The following FAM83A variants were observed in gnomAD, a reference collection of about 807,000 sequenced individuals.
FAM83A encodes scaffolding CK1 anchoring protein A, also known as protein FAM83A.
In FAM83A, 21 loss-of-function variants were observed where a neutral mutation model predicts 24.4. The ratio of observed to expected loss-of-function variants is 0.86; its 90% CI spans 0.61 to 1.24. FAM83A has a LOEUF of 1.24. FAM83A is among the 50% of genes most tolerant of loss of function. The pLI, the probability that FAM83A is intolerant of heterozygous loss-of-function variation, is 0.00. For synonymous variants in FAM83A, 270 were observed against 252.4 expected, an observed-to-expected ratio of 1.07 and a Z score of -0.66; for missense variants, 617 against 579.8, an observed-to-expected ratio of 1.06 and a Z score of -0.66.
At chr8:123,205,796 C>T (rs1824531177) in intron 3 of FAM83A, among the ~76,000 whole-genome samples, 1 of 151,792 alleles carries the variant, frequency 6.6e-6, no homozygotes, top group Admixed American at 6.6e-5. Context: ...ATTGAGGGGG[C>T]GGGGGGAGAA....
chr8:123,182,874 C>A, exon 1 of FAM83A: 1 of 1,522,228 alleles, frequency 6.6e-7, no homozygotes. Context: ...GGTCAAGGCA[C>A]CTGGGCAAAA....
intron 3 of FAM83A, among the ~76,000 whole-genome samples, chr8:123,203,686 A>G (rs1157118008): frequency 6.6e-6 from 1 of 151,954 alleles, no homozygotes; most frequent in Non-Finnish European, 1.5e-5. Flanking sequence ...CAGCTATTCA[A>G]GATGCACACC....
At chr8:123,188,315 C>T (rs749750139) in intron 1 of FAM83A, among the ~76,000 whole-genome samples, 36 of 152,054 alleles carry the variant, frequency 2.4e-4, no homozygotes, top group Non-Finnish European at 4.7e-4. Context: ...TTAGAGCCCA[C>T]CAGATAACCC....
chr8:123,182,435 C>A, upstream of FAM83A: 2 of 391,296 alleles, frequency 5.1e-6, no homozygotes, highest in East Asian at 7.1e-5. Flanking sequence ...CAGGCCCATC[C>A]TCCAGCTGGG....
At chr8:123,185,374 C>T (rs181404094) in intron 1 of FAM83A, among the ~76,000 whole-genome samples, 7 of 152,282 alleles carry the variant, frequency 4.6e-5, no homozygotes, top group Middle Eastern at 3.4e-3. Context: ...GAGGAAGGAT[C>T]CCTGGAAGGA....
exon 4 of FAM83A, chr8:123,208,623 C>G (rs1428812648): frequency 1.0e-6 from 1 of 985,512 alleles, no homozygotes; most frequent in Non-Finnish European, 1.2e-6. Flanking sequence ...TTCACAGTGC[C>G]CCTCTTTGTT....
chr8:123,191,500 C>T, intron 1 of FAM83A, among the ~76,000 whole-genome samples: 1 of 152,188 alleles, frequency 6.6e-6, no homozygotes, highest in East Asian at 1.9e-4. Flanking sequence ...CTCTGCTCTC[C>T]TTCTCTTTCT....
At chr8:123,183,730 C>G (rs1302776954) in intron 1 of FAM83A, among the ~76,000 whole-genome samples, 1 of 136,218 alleles carries the variant, frequency 7.3e-6, no homozygotes, top group African/African-American at 2.8e-5. Context: ...TCTTCTTGCT[C>G]TGTTGCCCAA....
chr8:123,182,779 T>C (rs1823640490), exon 1 of FAM83A: 1 of 1,488,734 alleles, frequency 6.7e-7, no homozygotes, highest in East Asian at 2.4e-5. Context: ...CACTCCTCCG[T>C]GGTGTGTTCC....
At chr8:123,185,029 G>A (rs892013071) in intron 1 of FAM83A, among the ~76,000 whole-genome samples, 1 of 152,212 alleles carries the variant, frequency 6.6e-6, no homozygotes, top group African/African-American at 2.4e-5. Flanking sequence ...TTAGTCGAAG[G>A]TAACAACAGG....
chr8:123,182,479 CA>C (rs779569027), upstream of FAM83A: 1 of 437,764 alleles, frequency 2.3e-6, no homozygotes, highest in South Asian at 1.7e-5. Flanking sequence ...TGCTTGGTAA[CA>C]AAGGCCTGAG....
chr8:123,186,553 G>C (rs1823805955), intron 1 of FAM83A, among the ~76,000 whole-genome samples: 1 of 152,138 alleles, frequency 6.6e-6, no homozygotes. Context: ...TTCCAGGCTG[G>C]GCACGGTGGC....
At chr8:123,207,631 G>T in exon 4 of FAM83A, 1 of 1,550,646 alleles carries the variant, frequency 6.4e-7, no homozygotes. Flanking sequence ...AGCTGGGCCT[G>T]GTGCCGAGGC....
At chr8:123,205,746 C>T (rs1314978283) in intron 3 of FAM83A, among the ~76,000 whole-genome samples, 1 of 152,162 alleles carries the variant, frequency 6.6e-6, no homozygotes, top group Non-Finnish European at 1.5e-5. Context: ...CTCTAGCCTG[C>T]TGCTCTCGGG....
chr8:123,200,508 G>C (rs1345962982), intron 3 of FAM83A, among the ~76,000 whole-genome samples: 1 of 152,166 alleles, frequency 6.6e-6, no homozygotes, highest in Non-Finnish European at 1.5e-5. Context: ...CAGGGACTGG[G>C]CCAGGTGTGA....
exon 4 of FAM83A, chr8:123,207,273 T>C (rs892739913): frequency 2.5e-6 from 4 of 1,612,796 alleles, no homozygotes; most frequent in East Asian, 4.5e-5. Context: ...AAGCCTGTGA[T>C]GGGCCTGAAG....
Position 123,187,518 on chromosome 8 carries a change from T to A in FAM83A, c.480+4182T>A, listed in dbSNP as rs372192692. ...ACATTTTTGTTATTGTTTTGGAAAATGCATTTCTTTTTCATTAAAATTGTT... is the reference window on the plus strand; with the variant it reads ...ACATTTTTGTTATTGTTTTGGAAAAAGCATTTCTTTTTCATTAAAATTGTT... On this transcript the variant is annotated intron_variant, in intron 1 of 3. Transcript: ENST00000690554. Among the ~76,000 whole-genome samples the A allele has an allele frequency of 1.2e-4, 18 of 152,328 alleles. 1 individual carries two copies. The highest frequency in any genetic ancestry group is 6.8e-3 in the Middle Eastern group (2 of 294).
At chr8:123,181,390 G>A (rs1012368096), upstream of FAM83A, among the ~76,000 whole-genome samples, 5 of 152,114 alleles carry the variant, frequency 3.3e-5, no homozygotes, top group African/African-American at 1.2e-4. Context: ...CCATATCCTG[G>A]CTCTTTGAAG....
At position 123,191,990 on chromosome 8, in the gene FAM83A, T is replaced by C. The variant is rs2131075915; in HGVS notation, c.648+20T>C. On this transcript the variant is annotated intron_variant, in intron 2 of 3. Transcript: ENST00000690554. ...CTCAAGGTAGGGGCCCCAATGAGAG[T>C]CCTAAGGGTACTCATATTAGCCCAG... The C allele has an allele frequency of 6.2e-7, 1 of 1,612,626 alleles. No individual in the cohort carries two copies.
Sources: allele counts gnomAD v4.1 joint callset (sites outside exome capture counted in the v4.1 genomes callset), GRCh38; gene constraint gnomAD v4.1.1; transcripts MANE v1.5; gene names NCBI Gene and HGNC (gene_info 2026-07-23, HGNC 2026-07-21).